NKAIN2: variants seen among roughly 807,000 people sequenced by gnomAD.
NKAIN2 encodes sodium/potassium-transporting ATPase subunit beta-1-interacting protein 2.
In NKAIN2, 14 loss-of-function variants were observed where a neutral mutation model predicts 32.6. That is an observed-to-expected ratio of 0.43 (90% CI 0.28 to 0.67). NKAIN2 has a LOEUF of 0.67. Ranked by LOEUF, NKAIN2 falls within the 30% of genes least tolerant of loss-of-function variation. NKAIN2 has a pLI of 0.17. For synonymous variants in NKAIN2, 80 were observed against 87.2 expected (o/e 0.92, Z 0.46); for missense variants, 198 against 258.3 (o/e 0.77, Z 1.60).
intron 1 of NKAIN2, among the ~76,000 whole-genome samples, chr6:124,114,493 A>G (rs1045215995): frequency 2.0e-5 from 3 of 152,078 alleles, no homozygotes; most frequent in Admixed American, 6.6e-5. Flanking sequence ...GAGGTTGGCT[A>G]TATGAGTTTA....
At chr6:124,098,334 C>A (rs1784732174) in intron 1 of NKAIN2, among the ~76,000 whole-genome samples, 1 of 152,148 alleles carries the variant, frequency 6.6e-6, no homozygotes, top group South Asian at 2.1e-4. Context: ...TTGAATGTCT[C>A]ACACGAGGAA....
intron 1 of NKAIN2, among the ~76,000 whole-genome samples, chr6:124,226,197 A>T (rs920473090): frequency 2.0e-5 from 3 of 151,696 alleles, no homozygotes; most frequent in South Asian, 4.1e-4. Context: ...GCTGTTTTTT[A>T]AAAAAAATTA....
intron 3 of NKAIN2, among the ~76,000 whole-genome samples, chr6:124,506,948 C>A (rs1778510473): frequency 6.6e-6 from 1 of 152,172 alleles, no homozygotes; most frequent in African/African-American, 2.4e-5. Flanking sequence ...TGTGGCAAGC[C>A]TCCTGAATCA....
At chr6:123,893,291 G>T (rs1774106109) in intron 1 of NKAIN2, among the ~76,000 whole-genome samples, 1 of 152,188 alleles carries the variant, frequency 6.6e-6, no homozygotes, top group Admixed American at 6.5e-5. Context: ...GCCTTGAATT[G>T]CTGGACTCAC....
intron 3 of NKAIN2, among the ~76,000 whole-genome samples, chr6:124,561,068 C>A (rs1031794529): frequency 1.5e-5 from 2 of 134,376 alleles, no homozygotes; most frequent in African/African-American, 5.3e-5. Context: ...CCCTCATCAG[C>A]CCTGATGTGA....
chr6:124,161,156 G>A (rs1788255981), intron 1 of NKAIN2, among the ~76,000 whole-genome samples: 2 of 152,108 alleles, frequency 1.3e-5, no homozygotes, highest in Admixed American at 1.3e-4. Context: ...TGCTGTACAG[G>A]AAGCAATGTG....
intron 1 of NKAIN2, among the ~76,000 whole-genome samples, chr6:124,002,645 G>A (rs1043547483): frequency 3.5e-4 from 53 of 152,208 alleles, no homozygotes; most frequent in African/African-American, 1.2e-3. Flanking sequence ...CTGGCCTGGC[G>A]ATGGCACTCA....
intron 1 of NKAIN2, among the ~76,000 whole-genome samples, chr6:123,954,077 C>T (rs73773022): frequency 0.014 from 2,199 of 152,274 alleles, 52 homozygotes; most frequent in African/African-American, 0.05. Flanking sequence ...CAATGACTCA[C>T]GCTTTAACCT....
At chr6:124,561,323 A>T (rs1028920471) in intron 3 of NKAIN2, among the ~76,000 whole-genome samples, 8 of 152,292 alleles carry the variant, frequency 5.3e-5, no homozygotes, top group South Asian at 2.1e-4. Flanking sequence ...GCCATTCATC[A>T]TCTCTTTCCC....
At chr6:124,298,776 C>T (rs1796170523) in intron 2 of NKAIN2, among the ~76,000 whole-genome samples, 1 of 152,096 alleles carries the variant, frequency 6.6e-6, no homozygotes, top group Non-Finnish European at 1.5e-5. Context: ...TGTCTATTAT[C>T]AGTGGGGATG....
At chr6:124,546,170 G>T (rs1780088117) in intron 3 of NKAIN2, among the ~76,000 whole-genome samples, 1 of 152,112 alleles carries the variant, frequency 6.6e-6, no homozygotes, top group African/African-American at 2.4e-5. Context: ...ACTGTGCCAA[G>T]AATCTAGAAC....
chr6:124,254,413 GT>G (rs1209137545), intron 1 of NKAIN2, among the ~76,000 whole-genome samples: 2 of 152,202 alleles, frequency 1.3e-5, no homozygotes, highest in Non-Finnish European at 2.9e-5. Context: ...TTAGGAAATG[GT>G]GAATTGCTTT....
chr6:124,332,598 C>A (rs566300492), intron 2 of NKAIN2, among the ~76,000 whole-genome samples: 2 of 151,712 alleles, frequency 1.3e-5, no homozygotes, highest in African/African-American at 4.8e-5. Flanking sequence ...ATGATATATT[C>A]GTTAAGAAAT....
intron 3 of NKAIN2, among the ~76,000 whole-genome samples, chr6:124,495,383 TTTGTTG>T (rs538949841): frequency 2.6e-4 from 39 of 152,072 alleles, no homozygotes; most frequent in African/African-American, 6.3e-4. Context: ...GTTTGTTTGC[TTTGTTG>T]TTGTTGTTGT....
intron 1 of NKAIN2, among the ~76,000 whole-genome samples, chr6:124,011,631 G>A (rs1027644621): frequency 6.6e-5 from 10 of 151,998 alleles, no homozygotes; most frequent in Admixed American, 1.3e-4. Context: ...GCCTTCACAC[G>A]TAAAATGTCA....
chr6:124,360,622 C>T (rs569403819), intron 3 of NKAIN2, among the ~76,000 whole-genome samples: 6 of 151,430 alleles, frequency 4.0e-5, no homozygotes, highest in African/African-American at 9.7e-5. Flanking sequence ...AATAATCCAC[C>T]GGAGAAACTT....
chr6:124,333,168 G>T (rs1206603123), intron 2 of NKAIN2, among the ~76,000 whole-genome samples: 1 of 152,102 alleles, frequency 6.6e-6, no homozygotes, highest in Non-Finnish European at 1.5e-5. Flanking sequence ...TATATGTATA[G>T]CACTTGGCCC....
intron 1 of NKAIN2, among the ~76,000 whole-genome samples, chr6:123,871,412 A>G (rs1038777118): frequency 1.3e-5 from 2 of 152,138 alleles, no homozygotes; most frequent in East Asian, 1.9e-4. Context: ...GAGCATTTCA[A>G]TTAGCCATAG....
chr6:124,792,612 T>C (rs1779795895), intron 5 of NKAIN2, among the ~76,000 whole-genome samples: 1 of 152,132 alleles, frequency 6.6e-6, no homozygotes, highest in Non-Finnish European at 1.5e-5. Context: ...TGAAACTGTG[T>C]AGTGCACGCT....
Sources: allele counts gnomAD v4.1 joint callset (sites outside exome capture counted in the v4.1 genomes callset), GRCh38; gene constraint gnomAD v4.1.1; transcripts MANE v1.5; gene names NCBI Gene and HGNC (gene_info 2026-07-23, HGNC 2026-07-21).